Variants in ZNF500 observed in about 807,000 individuals in gnomAD.
ZNF500 encodes the protein zinc finger protein 500, also known as zinc finger protein with KRAB and SCAN domains 18.
In ZNF500, 31 loss-of-function variants were observed where a neutral mutation model predicts 30.1. The ratio of observed to expected loss-of-function variants is 1.03; its 90% CI spans 0.77 to 1.39. The LOEUF is 1.39. Among genes scored for constraint, ZNF500 ranks in the 40% most tolerant of loss-of-function variants. The probability of loss-of-function intolerance (pLI) is 0.00; values close to 1 mark genes in which losing one functional copy is unlikely to be tolerated. For missense variants in ZNF500, 817 were observed against 657.8 expected, an observed-to-expected ratio of 1.24 and a Z score of -2.65; for synonymous variants, 392 against 282.0, an observed-to-expected ratio of 1.39 and a Z score of -3.91.
At chr16:4,756,322 A>G (rs934418856) in intron 5 of ZNF500, 2 of 152,094 alleles carry the variant, frequency 1.3e-5, no homozygotes, top group Non-Finnish European at 2.9e-5. Context: ...TGTCTCTACT[A>G]AAAATACAAA....
At position 4,760,595 on chromosome 16, in the gene ZNF500, G is replaced by A; in HGVS notation, c.664-7C>T. On this transcript the variant is annotated splice_polypyrimidine_tract_variant and splice_region_variant and intron_variant, in intron 4 of 5. Coordinates refer to ENST00000219478, the MANE Select transcript of ZNF500 (RefSeq NM_021646.4). ...CCTCCAAGTTCACGGGCACCTGCCAGAACGCACCCCACTCAGTCCTGGCCC... is the reference window on the plus strand; with the variant it reads ...CCTCCAAGTTCACGGGCACCTGCCAAAACGCACCCCACTCAGTCCTGGCCC... The A allele has an allele frequency of 6.2e-7, 1 of 1,612,968 alleles. No homozygotes were observed. Among genetic ancestry groups the A allele is most frequent in the Non-Finnish European group, 8.5e-7 (1 of 1,179,404 alleles).
In ZNF500 at chr16:4,752,434, GC is replaced by G; in HGVS notation, c.1384del (p.Ala462GlnfsTer24). The part of the protein sequence containing the change: ...LHKHQRTHMG[A>X]GSLPTLQPVA... ...CGGCTGGAGCGTCGGCAAGGAGCCTGCCCCCATGTGGGTCCGCTGGTGCTTG... is the reference window on the plus strand; with the variant it reads ...CGGCTGGAGCGTCGGCAAGGAGCCTGCCCCATGTGGGTCCGCTGGTGCTTG... On this transcript the variant is annotated frameshift_variant, in exon 6 of 6. Transcript: ENST00000219478. LOFTEE classifies it low-confidence loss of function (END_TRUNC). The G allele has an allele frequency of 6.5e-7, 1 of 1,537,496 alleles. No individual in the cohort carries two copies.
chr16:4,746,850 G>T (rs574122433), downstream of ZNF500: 7 of 1,333,980 alleles, frequency 5.2e-6, no homozygotes, highest in Non-Finnish European at 7.0e-6. Context: ...AGCAAAGCCC[G>T]AGTGCTTCAA....
chr16:4,764,899 C>T (rs527891545), intron 2 of ZNF500, among the ~76,000 whole-genome samples: 2 of 152,272 alleles, frequency 1.3e-5, no homozygotes, highest in Admixed American at 6.5e-5. Context: ...TCTGGGGGCT[C>T]TAACCAAAGT....
intron 2 of ZNF500, 121 bp from the exon 3 acceptor site, chr16:4,762,877 A>G (rs2082222345): frequency 6.3e-6 from 9 of 1,428,476 alleles, no homozygotes; most frequent in Admixed American, 2.8e-5. Context: ...GGCTGTCTGC[A>G]GCCTCCCTCC....
Position 4,752,070 on chromosome 16 carries a change from A to G in ZNF500, c.*306T>C. ...GACCCTCCCAGGCCCTTCAGGAGCC[A>G]GCCCCACGAACACCTTGAGTGTCGG... is the stretch of plus-strand genomic sequence containing the variant. On this transcript the variant is annotated 3_prime_UTR_variant, in exon 6 of 6. Transcript: ENST00000219478. The G allele has an allele frequency of 7.7e-7, 1 of 1,300,140 alleles. No homozygotes were observed. The highest frequency in any genetic ancestry group is 9.7e-7 in the Non-Finnish European group (1 of 1,026,566). 80.5% of individuals were successfully genotyped at this position (1,300,140 alleles called of 1,614,324 possible).
Position 4,767,119 on chromosome 16 carries a change from A to G in ZNF500, c.-201T>C, listed in dbSNP as rs1445927376. 2 of 152,286 alleles carry G rather than the reference A, an allele frequency of 1.3e-5. No individual in the cohort carries two copies. The highest frequency in any genetic ancestry group is 1.9e-4 in the East Asian group (1 of 5,184). 9.4% of individuals were successfully genotyped at this position (152,286 alleles called of 1,614,324 possible). A position where few individuals can be genotyped will look rare whatever the true frequency, so the allele number is the denominator to read the frequency against. ...CAGGCTTGGCAGCCAGGGACGCCAG[A>G]GCCGGGGCCGAAGACCCTAAACCAG... On this transcript the variant is annotated 5_prime_UTR_variant, in exon 1 of 6. Transcript: ENST00000219478.
In ZNF500 at chr16:4,752,476, C is replaced by A; in HGVS notation, c.1343G>T (p.Arg448Leu). Residue 448 changes from arginine to leucine, a missense_variant, in exon 6 of 6, where the codon CGG (arginine) becomes CTG (leucine). By Grantham distance (102) the Arg-to-Leu change is moderately radical. Coordinates refer to ENST00000219478, the MANE Select transcript of ZNF500 (RefSeq NM_021646.4). ...CTGGTGCTTGTGCAGGTCGGTGCCCCGGCGGAAGCCCCGGCCACAGGCCGG... is the reference window on the plus strand; with the variant it reads ...CTGGTGCTTGTGCAGGTCGGTGCCCAGGCGGAAGCCCCGGCCACAGGCCGG... ...TCPACGRGFR[R>L]GTDLHKHQRT... 1 of 1,545,228 alleles carries A rather than the reference C, an allele frequency of 6.5e-7. No homozygotes were observed. Among genetic ancestry groups the A allele is most frequent in the Non-Finnish European group, 8.7e-7 (1 of 1,150,226 alleles).
intron 4 of ZNF500, 62 bp from the exon 5 acceptor site, chr16:4,760,650 C>T: frequency 6.7e-7 from 1 of 1,482,574 alleles, no homozygotes; most frequent in Non-Finnish European, 9.3e-7. Context: ...CCAACTAAGG[C>T]CACTGGCCCA....
intron 4 of ZNF500, among the ~76,000 whole-genome samples, chr16:4,761,938 G>T (rs1405126743): frequency 1.3e-5 from 2 of 152,294 alleles, no homozygotes; most frequent in African/African-American, 2.4e-5. Flanking sequence ...TTCCAGCCCA[G>T]CGGTGTGGGA....
chr16:4,762,216 C>T, intron 4 of ZNF500, 55 bp downstream of exon 4: 2 of 1,580,126 alleles, frequency 1.3e-6, no homozygotes, highest in East Asian at 2.3e-5. Context: ...AAGTGTGACA[C>T]ACAGGAGGTC....
At chr16:4,763,259 A>C in intron 2 of ZNF500, 1 of 384,286 alleles carries the variant, frequency 2.6e-6, no homozygotes, top group Non-Finnish European at 3.6e-6. Context: ...TTAGCCAGGC[A>C]TGGTGGCAGC....
chr16:4,763,111 T>C (rs1242719251), intron 2 of ZNF500: 1 of 985,302 alleles, frequency 1.0e-6, no homozygotes, highest in Admixed American at 6.2e-5. Flanking sequence ...TTTTTGAAAT[T>C]ATCTGGCCAG....
At chr16:4,762,356 C>T (rs1361681798) in intron 3 of ZNF500, 21 bp from the exon 4 acceptor site, 2 of 1,593,888 alleles carry the variant, frequency 1.3e-6, no homozygotes, top group Non-Finnish European at 1.7e-6. Flanking sequence ...GCAGAGTCAC[C>T]ACCAGTCACA....
chr16:4,758,530 G>A (rs1310456335), intron 5 of ZNF500: 4 of 152,284 alleles, frequency 2.6e-5, no homozygotes, highest in African/African-American at 4.8e-5. Context: ...TCACGGTGCA[G>A]GTGGTGTCCA....
intron 5 of ZNF500, among the ~76,000 whole-genome samples, chr16:4,754,739 T>C (rs1047134333): frequency 1.3e-5 from 2 of 152,056 alleles, no homozygotes; most frequent in Non-Finnish European, 2.9e-5. Flanking sequence ...TGGCCTGCTA[T>C]AATAATATTT....
chr16:4,752,461 T>G lies in ZNF500; in HGVS notation c.1358A>C (p.His453Pro). Residue 453 changes from histidine (H) to proline (P), a missense_variant, in exon 6 of 6, where the codon CAC becomes CCC. His to Pro is a moderately conservative substitution (Grantham distance 77, BLOSUM62 -2). Transcript: ENST00000219478. ...GRGFRRGTDL[H>P]KHQRTHMGAG... is the part of the protein sequence containing the mutation. ...CCCCATGTGGGTCCGCTGGTGCTTG[T>G]GCAGGTCGGTGCCCCGGCGGAAGCC... 6.5e-7 allele frequency: 1 copy of G among 1,542,926 alleles called. No homozygotes were observed. Among genetic ancestry groups the G allele is most frequent in the Non-Finnish European group, 8.7e-7 (1 of 1,149,062 alleles).
chr16:4,746,941 C>G (rs139697621), downstream of ZNF500: 22 of 1,561,868 alleles, frequency 1.4e-5, no homozygotes, highest in Non-Finnish European at 1.9e-5. Flanking sequence ...AGCCACAGCT[C>G]CTCTGACAGT....
At chr16:4,753,431 C>T (rs1275324444) in intron 5 of ZNF500, among the ~76,000 whole-genome samples, 1 of 152,338 alleles carries the variant, frequency 6.6e-6, no homozygotes, top group East Asian at 1.9e-4. Context: ...CACTACATTC[C>T]AGCCCGGGTG....
Sources: gnomAD v4.1 joint callset for allele counts (sites outside exome capture counted in the v4.1 genomes callset) on GRCh38, gnomAD v4.1.1 for gene constraint, MANE v1.5 for transcripts, NCBI Gene and HGNC (gene_info 2026-07-23, HGNC 2026-07-21) for gene names.